The following CCDC30 variants were observed in gnomAD, a reference collection of about 807,000 sequenced individuals.
CCDC30 encodes coiled-coil domain containing 30.
In CCDC30, 70 loss-of-function variants were observed where a neutral mutation model predicts 100.2. The ratio of observed to expected loss-of-function variants is 0.70; its 90% CI spans 0.58 to 0.85. The LOEUF (loss-of-function observed/expected upper bound fraction) is 0.85. Among genes scored for constraint, CCDC30 ranks in the 40% least tolerant of loss-of-function variants. The probability of loss-of-function intolerance (pLI) is 0.00; values close to 1 mark genes in which losing one functional copy is unlikely to be tolerated. For synonymous variants in CCDC30, 233 were observed against 269.5 expected (o/e 0.86, Z 1.33); for missense variants, 652 against 771.2 (o/e 0.85, Z 1.83).
chr1:42,539,656 A>G (rs997890948), intron 6 of CCDC30, among the ~76,000 whole-genome samples: 11 of 152,162 alleles, frequency 7.2e-5, no homozygotes, highest in African/African-American at 2.4e-4. Context: ...GCATCTTTCT[A>G]TAATGTAAAA....
chr1:42,609,809 G>A (rs1329853616), intron 10 of CCDC30, among the ~76,000 whole-genome samples: 2 of 152,208 alleles, frequency 1.3e-5, no homozygotes, highest in Non-Finnish European at 2.9e-5. Flanking sequence ...CAGGAGTGGA[G>A]GGAGTGCTTG....
Position 42,556,340 on chromosome 1 carries a change from C to A in CCDC30, c.457-9956C>A, listed in dbSNP as rs1256298472. 5 of 1,613,922 alleles carry A rather than the reference C, an allele frequency of 3.1e-6. No homozygotes were observed. In the Admixed American group the frequency reaches 5.0e-5, roughly 16 times the overall value. On this transcript the variant is annotated intron_variant, in intron 6 of 16. Transcript: ENST00000668663. ...TGTGAGGCTTAGAGAAGAGCTGAGC[C>A]ATATAAATCAGAGCCTTCTTCAGTC...
chr1:42,456,484 G>A, the CCDC30 span: 2 of 1,371,440 alleles, frequency 1.5e-6, no homozygotes, highest in African/African-American at 1.5e-5. Context: ...TCAGTACGGC[G>A]CGGCGCGTAC....
chr1:42,586,044 G>A (rs911414393), intron 9 of CCDC30, among the ~76,000 whole-genome samples: 1 of 152,194 alleles, frequency 6.6e-6, no homozygotes, highest in African/African-American at 2.4e-5. Context: ...ACTAAAGGAG[G>A]TTTAGGTTGC....
intron 7 of CCDC30, 34 bp from the exon 12 acceptor site, chr1:42,576,986 A>G (rs772764653): frequency 1.3e-6 from 2 of 1,490,688 alleles, no homozygotes; most frequent in Non-Finnish European, 9.3e-7. Flanking sequence ...TTCCACACTT[A>G]TTTGTATTAC....
At chr1:42,587,301 T>A (rs1168146769) in intron 9 of CCDC30, among the ~76,000 whole-genome samples, 38 of 152,208 alleles carry the variant, frequency 2.5e-4, no homozygotes, top group Non-Finnish European at 8.8e-5. Flanking sequence ...CCAGCCAACT[T>A]CCTACTTTCC....
At chr1:42,552,152 C>T (rs1645264833) in intron 6 of CCDC30, among the ~76,000 whole-genome samples, 1 of 152,080 alleles carries the variant, frequency 6.6e-6, no homozygotes, top group Non-Finnish European at 1.5e-5. Context: ...TCCCTGTATT[C>T]CCAGGTATTG....
At chr1:42,613,149 T>A (rs1646656804) in intron 11 of CCDC30, among the ~76,000 whole-genome samples, 2 of 152,216 alleles carry the variant, frequency 1.3e-5, no homozygotes, top group Non-Finnish European at 1.5e-5. Flanking sequence ...AAAGAATGTC[T>A]GCTCTATAGA....
At chr1:42,638,703 A>G (rs1405143768) in intron 12 of CCDC30, among the ~76,000 whole-genome samples, 1 of 151,984 alleles carries the variant, frequency 6.6e-6, no homozygotes, top group African/African-American at 2.4e-5. Context: ...GTGAAATCCC[A>G]TCTCTACTGA....
chr1:42,479,842 G>T (rs551572011), intron 1 of CCDC30, among the ~76,000 whole-genome samples: 4 of 152,152 alleles, frequency 2.6e-5, no homozygotes, highest in Non-Finnish European at 5.9e-5. Flanking sequence ...AAGATGAGGT[G>T]CCTCCTGGTT....
chr1:42,548,524 A>C (rs1645188313), intron 6 of CCDC30, among the ~76,000 whole-genome samples: 2 of 152,162 alleles, frequency 1.3e-5, no homozygotes, highest in Admixed American at 1.3e-4. Flanking sequence ...TGGATAGAAA[A>C]ATAGACAAGG....
chr1:42,589,275 C>A, intron 9 of CCDC30, 46 bp from the exon 14 acceptor site: 2 of 1,461,196 alleles, frequency 1.4e-6, no homozygotes, highest in East Asian at 2.3e-5. Flanking sequence ...GTCTGAATTT[C>A]ATTTGCAATT....
At chr1:42,517,365 G>T (rs1252461021) in intron 6 of CCDC30, among the ~76,000 whole-genome samples, 1 of 152,208 alleles carries the variant, frequency 6.6e-6, no homozygotes, top group Non-Finnish European at 1.5e-5. Context: ...TTACAGGTGT[G>T]AGCCACCACA....
At chr1:42,505,946 AC>A (rs1420682956) in intron 6 of CCDC30, among the ~76,000 whole-genome samples, 2 of 152,364 alleles carry the variant, frequency 1.3e-5, no homozygotes, top group Admixed American at 1.3e-4. Flanking sequence ...GATAAAGACA[AC>A]CAGTTTCTCC....
At chr1:42,549,090 A>C (rs1465190040) in intron 6 of CCDC30, among the ~76,000 whole-genome samples, 1 of 152,182 alleles carries the variant, frequency 6.6e-6, no homozygotes, top group Non-Finnish European at 1.5e-5. Flanking sequence ...CTACTTCCCA[A>C]AACTTTAGGA....
chr1:42,546,399 A>T (rs866937793), intron 6 of CCDC30, among the ~76,000 whole-genome samples: 28 of 11,970 alleles, frequency 2.3e-3, no homozygotes, highest in African/African-American at 4.9e-3. Flanking sequence ...AAAAAAAAAA[A>T]ATATATATAT....
At chr1:42,623,336 A>G (rs909952339) in intron 11 of CCDC30, among the ~76,000 whole-genome samples, 1 of 152,130 alleles carries the variant, frequency 6.6e-6, no homozygotes, top group Admixed American at 6.5e-5. Context: ...GAATTTCCCC[A>G]GTGTTTTCTT....
rs756941767 is a variant in CCDC30, at chr1:42,545,501, C to A, written c.457-20795C>A. The A allele has an allele frequency of 1.2e-6, 2 of 1,605,868 alleles. No homozygotes were observed. Among genetic ancestry groups the A allele is most frequent in the Non-Finnish European group, 1.7e-6 (2 of 1,176,994 alleles). The stretch of plus-strand genomic sequence containing the variant: ...TCTAATTTAATTACAAGTGAAAATA[C>A]CTGTAAAGATCCTGAATCTAATGAA... On this transcript the variant is annotated intron_variant, in intron 6 of 16. Coordinates refer to ENST00000668663, the Ensembl canonical transcript of CCDC30.
At chr1:42,457,360 G>A in the CCDC30 span, 5 of 1,605,922 alleles carry the variant, frequency 3.1e-6, no homozygotes, top group African/African-American at 2.7e-5. Flanking sequence ...GGTGATGGGC[G>A]CTTCTCTTCC....
Sources: gnomAD v4.1 joint callset for allele counts (sites outside exome capture counted in the v4.1 genomes callset) on GRCh38, gnomAD v4.1.1 for gene constraint, MANE v1.5 for transcripts, NCBI Gene and HGNC (gene_info 2026-07-23, HGNC 2026-07-21) for gene names.